The following ZNF469 variants were observed in gnomAD, a reference collection of about 807,000 sequenced individuals.
The protein encoded by ZNF469 is zinc finger protein 469.
ZNF469 carries 1 observed loss-of-function variant against 1.0 expected under a neutral mutation model. The observed-to-expected ratio is 1.00, with a 90% confidence interval of 0.35 to 4.73. ZNF469 has a LOEUF of 4.73. Ranked by LOEUF, ZNF469 falls within the 30% of genes most tolerant of loss-of-function variation. The pLI, the probability that ZNF469 is intolerant of heterozygous loss-of-function variation, is 0.16. For missense variants in ZNF469, 6,100 were observed against 5,356.3 expected (o/e 1.14, Z -4.33); for synonymous variants, 2,703 against 2,363.4 (o/e 1.14, Z -4.17).
At chr16:88,258,419 C>T in the ZNF469 span, among the ~76,000 whole-genome samples, 3 of 137,138 alleles carry the variant, frequency 2.2e-5, no homozygotes, top group African/African-American at 7.9e-5. Context: ...CTCACCCCCC[C>T]ACCCCCCCAG....
Position 88,432,266 on chromosome 16 carries a change from T to G in ZNF469, c.4796T>G (p.Leu1599Arg). The G allele has an allele frequency of 6.5e-7, 1 of 1,547,530 alleles. No homozygotes were observed. Among genetic ancestry groups the G allele is most frequent in the Admixed American group, 2.0e-5 (1 of 51,002 alleles). The change falls in exon 3 of 3, where the codon CTC becomes CGC. Residue 1599 changes from leucine (L) to arginine (R), a missense_variant. Transcript: ENST00000565624. ...GCTGAGTCGGTGGGCAGGGTGGAGC[T>G]CGGCACAGGCACAGAGCCACCCTCC... ...AEAESVGRVE[L>R]GTGTEPPSQR...
At chr16:88,134,390 G>A in the ZNF469 span, among the ~76,000 whole-genome samples, 54 of 152,354 alleles carry the variant, frequency 3.5e-4, no homozygotes, top group African/African-American at 1.3e-3. Context: ...GGGACACAGT[G>A]AGGAGGACGG....
chr16:88,208,233 A>G, the ZNF469 span, among the ~76,000 whole-genome samples: 7 of 151,192 alleles, frequency 4.6e-5, no homozygotes, highest in African/African-American at 1.7e-4. Context: ...TTAAGTACCT[A>G]TTTCCTTTGC....
At chr16:88,352,287 G>A in the ZNF469 span, among the ~76,000 whole-genome samples, 1 of 152,218 alleles carries the variant, frequency 6.6e-6, no homozygotes, top group Non-Finnish European at 1.5e-5. Flanking sequence ...GTGAATTTTA[G>A]GAGTATGTAT....
intron 1 of ZNF469, among the ~76,000 whole-genome samples, chr16:88,403,465 C>A (rs12102870): frequency 6.6e-6 from 1 of 151,718 alleles, no homozygotes; most frequent in African/African-American, 2.4e-5. Context: ...GAGCTCACAC[C>A]GCCATCTCGG....
the ZNF469 span, among the ~76,000 whole-genome samples, chr16:88,108,885 C>T: frequency 1.5e-4 from 23 of 152,276 alleles, no homozygotes; most frequent in African/African-American, 5.3e-4. Flanking sequence ...GGCCACCAGC[C>T]CCGGTCGGGA....
chr16:88,367,474 T>C, the ZNF469 span, among the ~76,000 whole-genome samples: 2 of 152,224 alleles, frequency 1.3e-5, no homozygotes, highest in Non-Finnish European at 2.9e-5. Flanking sequence ...TTCGCCACCT[T>C]TTCCCAGGGC....
the ZNF469 span, among the ~76,000 whole-genome samples, chr16:88,241,654 G>T: frequency 0.14 from 20,950 of 152,132 alleles, 1,724 homozygotes; most frequent in East Asian, 0.37. This position sits in a 1 kb window ranked among gnomAD's most constrained non-coding sequence, Gnocchi z 4.8. Flanking sequence ...CACCCATCCC[G>T]ATCACACCAC....
the ZNF469 span, among the ~76,000 whole-genome samples, chr16:88,263,456 G>T: frequency 4.2e-3 from 637 of 152,318 alleles, 3 homozygotes; most frequent in African/African-American, 0.014. Flanking sequence ...AGGTCACCCA[G>T]CAGGGAGATG....
the ZNF469 span, among the ~76,000 whole-genome samples, chr16:88,327,088 A>G: frequency 6.6e-6 from 1 of 152,188 alleles, no homozygotes; most frequent in Non-Finnish European, 1.5e-5. Context: ...GTGGGACCTC[A>G]GGAGAAGCGC....
chr16:88,182,288 A>T, the ZNF469 span, among the ~76,000 whole-genome samples: 1 of 152,182 alleles, frequency 6.6e-6, no homozygotes, highest in African/African-American at 2.4e-5. Context: ...TATTGTTAAG[A>T]TGTAAATCCC....
the ZNF469 span, among the ~76,000 whole-genome samples, chr16:88,133,379 T>G: frequency 6.6e-6 from 1 of 152,222 alleles, no homozygotes; most frequent in Non-Finnish European, 1.5e-5. Context: ...CAACCCTCCC[T>G]GTCAAGCAGC....
In ZNF469 at chr16:88,438,343, A is replaced by G. The variant is rs563548368; in HGVS notation, c.10873A>G (p.Arg3625Gly). 5.2e-6 allele frequency: 8 copies of G among 1,550,226 alleles called. No homozygotes were observed. In the East Asian group the frequency reaches 7.3e-5, roughly 14 times the overall value. ...RAPLVFSGKR[R>G]APGARGRCAP... ...TCCTCTCGTGTTCTCAGGGAAACGC[A>G]GGGCCCCGGGTGCCCGTGGCAGGTG... Residue 3625 changes from arginine (R) to glycine (G), a missense_variant, in exon 3 of 3, where the codon AGG becomes GGG. Arg to Gly is a moderately radical substitution (Grantham distance 125). Coordinates refer to ENST00000565624, the MANE Select transcript of ZNF469 (RefSeq NM_001367624.2).
At chr16:88,245,828 A>T in the ZNF469 span, among the ~76,000 whole-genome samples, 1 of 152,268 alleles carries the variant, frequency 6.6e-6, no homozygotes, top group Non-Finnish European at 1.5e-5. Context: ...GTGAGGAAGG[A>T]TGACTGAAGT....
chr16:88,226,908 C>A, the ZNF469 span, among the ~76,000 whole-genome samples: 1 of 152,198 alleles, frequency 6.6e-6, no homozygotes, highest in African/African-American at 2.4e-5. Context: ...TAAATTCCAG[C>A]CCCCTGTGTT....
chr16:88,128,771 T>C, the ZNF469 span, among the ~76,000 whole-genome samples: 1 of 152,250 alleles, frequency 6.6e-6, no homozygotes, highest in Non-Finnish European at 1.5e-5. Context: ...TCCAGGCCTC[T>C]GCTAAGCTTC....
At chr16:88,199,290 C>G in the ZNF469 span, among the ~76,000 whole-genome samples, 168 of 152,322 alleles carry the variant, frequency 1.1e-3, 1 homozygote, top group Non-Finnish European at 1.9e-3. Flanking sequence ...AGGTTAGAGC[C>G]AACTGTGGAG....
the ZNF469 span, among the ~76,000 whole-genome samples, chr16:88,166,213 C>T: frequency 6.6e-6 from 1 of 152,196 alleles, no homozygotes. The surrounding 1 kb of genome is among the most constrained non-coding windows in gnomAD (Gnocchi z 4.5). Context: ...TCAACACCCA[C>T]ACACCCACCA....
chr16:88,435,936 G>C lies in ZNF469; in HGVS notation c.8466G>C (p.Pro2822=). The C allele has an allele frequency of 6.5e-7, 1 of 1,549,990 alleles. No individual in the cohort carries two copies. Among genetic ancestry groups the C allele is most frequent in the Non-Finnish European group, 8.7e-7 (1 of 1,146,968 alleles). ...STTSSCLQGL[P]DNPDTQGGVQ... Reference sequence around the variant, plus strand: ...CCAGCAGCTGCCTCCAGGGCCTCCCGGACAACCCAGACACCCAGGGTGGAG... The same window carrying C: ...CCAGCAGCTGCCTCCAGGGCCTCCCCGACAACCCAGACACCCAGGGTGGAG... Residue 2822 remains proline (P), a synonymous_variant, in exon 3 of 3, where the codon CCG becomes CCC. Transcript: ENST00000565624.
Sources: allele counts gnomAD v4.1 joint callset (sites outside exome capture counted in the v4.1 genomes callset), GRCh38; gene constraint gnomAD v4.1.1; non-coding constraint Gnocchi (gnomAD v3.1); transcripts MANE v1.5; gene names NCBI Gene and HGNC (gene_info 2026-07-23, HGNC 2026-07-21).